Variants in ADH7 observed in about 807,000 individuals in gnomAD.
The protein encoded by ADH7 is all-trans-retinol dehydrogenase [NAD(+)] ADH7.
ADH7 carries 41 observed loss-of-function variants against 34.4 expected under a neutral mutation model. That is an observed-to-expected ratio of 1.19 (90% confidence interval 0.93 to 1.55). ADH7 has a LOEUF of 1.55. ADH7 is among the 40% of genes most tolerant of loss of function. The pLI is 0.00. For missense variants in ADH7, 540 were observed against 461.2 expected (o/e 1.17, Z -1.56); for synonymous variants, 180 against 160.9 (o/e 1.12, Z -0.90).
rs546877344 is a variant in ADH7, at chr4:99,424,361, T to G, written c.564+3412A>C. The stretch of plus-strand genomic sequence containing the variant: ...GGCTTAGGATTGACTTGGCGATGCA[T>G]GCTCTTTTTTGGTTCCATATGAACT... On this transcript the variant is annotated intron_variant, in intron 5 of 8. Coordinates refer to ENST00000437033, the MANE Select transcript of ADH7 (RefSeq NM_000673.7). 1.0e-3 allele frequency among the ~76,000 whole-genome samples: 156 copies of G among 152,222 alleles called. 1 individual carries two copies. The highest frequency in any genetic ancestry group is 3.3e-3 in the African/African-American group (138 of 41,546).
intron 7 of ADH7, among the ~76,000 whole-genome samples, chr4:99,416,744 C>A (rs1039863453): frequency 2.6e-5 from 4 of 152,076 alleles, no homozygotes; most frequent in Non-Finnish European, 4.4e-5. Context: ...AAACCTCTAC[C>A]TGTACTACAG....
intron 5 of ADH7, 127 bp downstream of exon 5, chr4:99,427,646 T>C (rs1436772013): frequency 1.7e-6 from 1 of 595,616 alleles, no homozygotes; most frequent in Non-Finnish European, 2.5e-6. Context: ...TTGTGTTGCT[T>C]GGCAGCCTGA....
chr4:99,428,449 A>C, intron 3 of ADH7, 43 bp downstream of exon 3: 1 of 1,591,142 alleles, frequency 6.3e-7, no homozygotes. Context: ...AGGCTAATCA[A>C]AGCCTAATTA....
At chr4:99,417,529 G>A (rs758534665) in intron 7 of ADH7, among the ~76,000 whole-genome samples, 6 of 152,110 alleles carry the variant, frequency 3.9e-5, no homozygotes, top group Non-Finnish European at 5.9e-5. Context: ...CCAGTCCTCT[G>A]GCACTGCCCG....
chr4:99,413,346 A>G (rs1195736438), intron 8 of ADH7, among the ~76,000 whole-genome samples, 174 bp from the exon 9 acceptor site: 1 of 152,238 alleles, frequency 6.6e-6, no homozygotes, highest in African/African-American at 2.4e-5. Flanking sequence ...CAACTCTGAT[A>G]AGGGTATCTG....
chr4:99,427,983 A>G lies in ADH7; in HGVS notation c.354T>C (p.Thr118=), dbSNP rs1411536865. The change falls in exon 5 of 9, where the codon ACT becomes ACC. Residue 118 remains threonine (T), a synonymous_variant. Coordinates refer to ENST00000437033, the MANE Select transcript of ADH7 (RefSeq NM_000673.7). ...DGNLCIRSDI[T]GRGVLADGTT... is the part of the protein sequence containing the mutation. ...TGCCATCAGCCAGTACTCCACGACC[A>G]GTAATACTGTTTGATACATCAAATA... 1 of 1,614,006 alleles carries G rather than the reference A, an allele frequency of 6.2e-7. No homozygotes were observed. The highest frequency in any genetic ancestry group is 8.5e-7 in the Non-Finnish European group (1 of 1,179,922).
chr4:99,423,506 T>C (rs934556490), intron 5 of ADH7, among the ~76,000 whole-genome samples: 5 of 151,418 alleles, frequency 3.3e-5, no homozygotes, highest in East Asian at 1.9e-4. Flanking sequence ...AGTGTAAAAG[T>C]GTTCCTATTT....
intron 5 of ADH7, among the ~76,000 whole-genome samples, chr4:99,424,574 C>T (rs1721753440): frequency 2.0e-5 from 3 of 152,146 alleles, no homozygotes; most frequent in Admixed American, 2.0e-4. Flanking sequence ...GTTTGTAGTT[C>T]TCCTTGAAGA....
chr4:99,426,034 A>G (rs762570432), intron 5 of ADH7, among the ~76,000 whole-genome samples: 2 of 152,240 alleles, frequency 1.3e-5, no homozygotes, highest in Non-Finnish European at 2.9e-5. Context: ...ACAGCATTCG[A>G]GAATCTCTGG....
chr4:99,413,959 C>A (rs757890498), intron 8 of ADH7, among the ~76,000 whole-genome samples: 1 of 151,896 alleles, frequency 6.6e-6, no homozygotes, highest in Non-Finnish European at 1.5e-5. Context: ...AAATTACTGG[C>A]GAAAAAATAT....
chr4:99,422,838 A>AT (rs147760235), intron 5 of ADH7, among the ~76,000 whole-genome samples: 34,793 of 145,074 alleles, frequency 0.24, 4,425 homozygotes, highest in African/African-American at 0.33. Flanking sequence ...GACCTATTTT[A>AT]TTTTTTTTTC....
intron 7 of ADH7, among the ~76,000 whole-genome samples, chr4:99,418,343 A>G (rs566483754): frequency 6.6e-6 from 1 of 152,256 alleles, no homozygotes; most frequent in South Asian, 2.1e-4. Context: ...CTTATATTGT[A>G]TAAAGCAGAC....
At chr4:99,433,160 A>T (rs1240900950) in intron 1 of ADH7, among the ~76,000 whole-genome samples, 3 of 152,192 alleles carry the variant, frequency 2.0e-5, no homozygotes, top group African/African-American at 4.8e-5. Flanking sequence ...ACCTCGAAGA[A>T]ATATTAATTT....
chr4:99,425,578 C>A (rs1721780760), intron 5 of ADH7, among the ~76,000 whole-genome samples: 1 of 151,970 alleles, frequency 6.6e-6, no homozygotes, highest in Admixed American at 6.6e-5. Context: ...GAGTGACCTA[C>A]AAAGAGACTT....
chr4:99,416,422 C>T (rs1417416800), intron 7 of ADH7, among the ~76,000 whole-genome samples: 1 of 152,100 alleles, frequency 6.6e-6, no homozygotes, highest in Non-Finnish European at 1.5e-5. Flanking sequence ...TTTCTCAGTC[C>T]TCCTCTTATA....
rs750227927 is a variant in ADH7 at position 99,435,175 on chromosome 4, A to G, written c.18+41T>C. On this transcript the variant is annotated intron_variant, in intron 1 of 8. Coordinates refer to ENST00000437033, the MANE Select transcript of ADH7 (RefSeq NM_000673.7). ...AAGTTCTAAGTATCAGCCTCACATC[A>G]TTAGGTCATGATGAGGAGGGGACAG... is the stretch of plus-strand genomic sequence containing the variant. 3.7e-6 allele frequency: 6 copies of G among 1,606,330 alleles called. No individual in the cohort carries two copies. In the African/African-American group the frequency reaches 8.0e-5, roughly 21 times the overall value.
At chr4:99,424,715 A>G (rs1041032315) in intron 5 of ADH7, among the ~76,000 whole-genome samples, 3 of 152,098 alleles carry the variant, frequency 2.0e-5, no homozygotes, top group Non-Finnish European at 4.4e-5. Flanking sequence ...TGATTTTTGT[A>G]CATTGATTTT....
intron 1 of ADH7, chr4:99,430,186 G>A (rs1721908985): frequency 6.6e-6 from 1 of 152,338 alleles, no homozygotes; most frequent in African/African-American, 2.4e-5. Context: ...TACAGATTAT[G>A]ACTGTGAGTT....
At position 99,428,280 on chromosome 4, in the gene ADH7, A is replaced by G; in HGVS notation, c.260-106T>C. 3.1e-6 allele frequency: 4 copies of G among 1,291,734 alleles called. No homozygotes were observed. In the South Asian group the frequency reaches 5.2e-5, roughly 17 times the overall value. The allele number at this position is 1,291,734 out of a possible 1,614,324, so 80.0% of individuals were successfully genotyped here. On this transcript the variant is annotated intron_variant, in intron 3 of 8. Transcript: ENST00000437033. The stretch of plus-strand genomic sequence containing the variant: ...CTATAGGTAAAACTTTTAAAAATAT[A>G]TTCTAAGGTTTATAAACACCGTAAG...
Sources: gnomAD v4.1 joint callset for allele counts (sites outside exome capture counted in the v4.1 genomes callset) on GRCh38, gnomAD v4.1.1 for gene constraint, MANE v1.5 for transcripts, NCBI Gene and HGNC (gene_info 2026-07-23, HGNC 2026-07-21) for gene names.